The following MED12L variants were observed in gnomAD, a reference collection of about 807,000 sequenced individuals.
MED12L encodes mediator of RNA polymerase II transcription subunit 12-like protein.
Under a neutral mutation model 281.3 loss-of-function variants are expected in MED12L, and 60 were observed. The observed-to-expected ratio is 0.21, with a 90% CI of 0.17 to 0.26. MED12L has a LOEUF of 0.26. MED12L is among the 10% of genes least tolerant of loss of function. MED12L has a pLI of 1.00. For synonymous variants in MED12L, 974 were observed against 987.2 expected, an observed-to-expected ratio of 0.99 and a Z score of 0.25; for missense variants, 2,146 against 2,680.9, an observed-to-expected ratio of 0.80 and a Z score of 4.41.
At chr3:151,313,379 A>G (rs888259439) in intron 16 of MED12L, among the ~76,000 whole-genome samples, 8 of 152,152 alleles carry the variant, frequency 5.3e-5, no homozygotes, top group Non-Finnish European at 1.2e-4. Flanking sequence ...CATTTTACAT[A>G]TGAAACTACC....
At chr3:151,321,747 T>G (rs1749024231) in intron 16 of MED12L, among the ~76,000 whole-genome samples, 1 of 152,220 alleles carries the variant, frequency 6.6e-6, no homozygotes, top group East Asian at 1.9e-4. Context: ...AGAACTAGTT[T>G]ACTTCCTTAA....
At chr3:151,336,694 T>G (rs916030480) in intron 16 of MED12L, 24 of 351,360 alleles carry the variant, frequency 6.8e-5, no homozygotes, top group Middle Eastern at 9.7e-4. Context: ...TTGAACTTAT[T>G]GAAATGAGAA....
intron 39 of MED12L, among the ~76,000 whole-genome samples, chr3:151,403,309 C>T (rs1354545088): frequency 2.0e-5 from 3 of 152,076 alleles, no homozygotes; most frequent in African/African-American, 7.2e-5. Context: ...TAGACCAGTT[C>T]GTGCACCTTC....
At chr3:151,316,818 A>C (rs1748315934) in intron 16 of MED12L, 1 of 152,340 alleles carries the variant, frequency 6.6e-6, no homozygotes, top group Middle Eastern at 3.4e-3. Flanking sequence ...CCAGGCGACT[A>C]CTGGAACAAC....
chr3:151,375,982 C>T (rs866536234), intron 27 of MED12L, 44 bp from the exon 28 acceptor site: 5 of 919,068 alleles, frequency 5.4e-6, no homozygotes, highest in Non-Finnish European at 6.0e-6. Flanking sequence ...TATATATATA[C>T]CGAAAGCCAG....
chr3:151,381,777 G>T (rs138273559), intron 32 of MED12L, among the ~76,000 whole-genome samples: 7 of 152,156 alleles, frequency 4.6e-5, no homozygotes, highest in Admixed American at 2.0e-4. Context: ...TAACTACCTT[G>T]CCCCCTTAAG....
At chr3:151,311,131 C>T (rs1475057194) in intron 16 of MED12L, among the ~76,000 whole-genome samples, 1 of 152,132 alleles carries the variant, frequency 6.6e-6, no homozygotes, top group Non-Finnish European at 1.5e-5. Flanking sequence ...GTCTTATTTG[C>T]AATTTCATAT....
At chr3:151,383,927 A>G (rs1280277689) in intron 34 of MED12L, 39 bp downstream of exon 34, 1 of 1,556,890 alleles carries the variant, frequency 6.4e-7, no homozygotes, top group African/African-American at 1.4e-5. Context: ...TGCTACATGT[A>G]TGCATGGTAT....
chr3:151,388,194 A>G (rs759190518), intron 37 of MED12L, 22 bp downstream of exon 37: 4 of 1,570,838 alleles, frequency 2.5e-6, no homozygotes, highest in Non-Finnish European at 3.4e-6. Flanking sequence ...AAGGAAGGAG[A>G]ACCTTGGCTC....
chr3:151,181,480 G>GGCTCAAGTAATCCTCCTGA (rs1205939298), intron 11 of MED12L, among the ~76,000 whole-genome samples: 1 of 151,054 alleles, frequency 6.6e-6, no homozygotes, highest in Admixed American at 6.6e-5. Flanking sequence ...CGAACTTCTG[G>GGCTCAAGTAATCCTCCTGA]GCTCAAGTAA....
intron 4 of MED12L, among the ~76,000 whole-genome samples, 170 bp downstream of exon 4, chr3:151,123,144 TTGCATGTAG>T (rs1400939882): frequency 1.3e-5 from 2 of 152,206 alleles, no homozygotes; most frequent in African/African-American, 4.8e-5. Context: ...TTTATTTTGA[TTGCATGTAG>T]TGCCTAGGAC....
chr3:151,203,774 C>T lies in MED12L; in HGVS notation c.2250+10108C>T, dbSNP rs189958710. 2.6e-3 allele frequency among the ~76,000 whole-genome samples: 396 copies of T among 152,030 alleles called. 2 individuals carry two copies. The highest frequency in any genetic ancestry group is 4.0e-3 in the Non-Finnish European group (271 of 67,972). On this transcript the variant is annotated intron_variant, in intron 16 of 44. Coordinates refer to ENST00000687756, the MANE Select transcript of MED12L (RefSeq NM_001393769.1). ...ATAATTACTGTTAATATTTTTGGTA[C>T]ATAAGTTTTAAATTTTTTCTATGCT...
chr3:151,280,133 G>A (rs1742581293), intron 16 of MED12L, among the ~76,000 whole-genome samples: 1 of 152,198 alleles, frequency 6.6e-6, no homozygotes, highest in African/African-American at 2.4e-5. Context: ...TAGCCCTACA[G>A]GTGGTCCCCT....
rs1451172651 is a variant in MED12L at position 151,367,627 on chromosome 3, G to A, written c.3328-19G>A. ...ACAAGGTTGTTAGGTATTAAAACCTGTCAATGTTTTTCTTGAAGGTGAGTG... is the reference window on the plus strand; with the variant it reads ...ACAAGGTTGTTAGGTATTAAAACCTATCAATGTTTTTCTTGAAGGTGAGTG... On this transcript the variant is annotated intron_variant, in intron 23 of 44. Transcript: ENST00000687756. The A allele has an allele frequency of 6.3e-7, 1 of 1,595,070 alleles. No homozygotes were observed. Among genetic ancestry groups the A allele is most frequent in the East Asian group, 2.3e-5 (1 of 44,296 alleles).
intron 2 of MED12L, among the ~76,000 whole-genome samples, chr3:151,113,393 C>G (rs1378830802): frequency 6.6e-6 from 1 of 152,168 alleles, no homozygotes; most frequent in Non-Finnish European, 1.5e-5. Flanking sequence ...TAAGATCACA[C>G]AGGAACTTTT....
intron 13 of MED12L, among the ~76,000 whole-genome samples, chr3:151,189,070 G>T (rs1723630638): frequency 6.6e-6 from 1 of 152,154 alleles, no homozygotes; most frequent in African/African-American, 2.4e-5. Flanking sequence ...AAATTATTCT[G>T]AGATTTTCAT....
At chr3:151,407,598 G>A (rs1716475071) in intron 39 of MED12L, among the ~76,000 whole-genome samples, 1 of 152,134 alleles carries the variant, frequency 6.6e-6, no homozygotes, top group Non-Finnish European at 1.5e-5. Flanking sequence ...ACAGTTTTAG[G>A]CTCCTGATGG....
At chr3:151,161,252 A>G (rs1210624281) in intron 8 of MED12L, among the ~76,000 whole-genome samples, 1 of 150,280 alleles carries the variant, frequency 6.7e-6, no homozygotes, top group Non-Finnish European at 1.5e-5. Flanking sequence ...ACTATTTTGG[A>G]CTGTTTGTCC....
chr3:151,361,125 A>G (rs1396315221), intron 21 of MED12L, among the ~76,000 whole-genome samples: 2 of 152,098 alleles, frequency 1.3e-5, no homozygotes, highest in Non-Finnish European at 2.9e-5. Context: ...ATTAGCTTTA[A>G]TATCCTTTGG....
Sources: gnomAD v4.1 joint callset for allele counts (sites outside exome capture counted in the v4.1 genomes callset) on GRCh38, gnomAD v4.1.1 for gene constraint, MANE v1.5 for transcripts, NCBI Gene and HGNC (gene_info 2026-07-23, HGNC 2026-07-21) for gene names.